HSD17B3: variants seen among roughly 807,000 people sequenced by gnomAD.
HSD17B3 encodes the protein hydroxysteroid 17-beta dehydrogenase 3.
Under a neutral mutation model 41.1 loss-of-function variants are expected in HSD17B3, and 29 were observed. The observed-to-expected ratio is 0.71, with a 90% CI of 0.53 to 0.96. HSD17B3 has a LOEUF of 0.96. HSD17B3 is among the 40% of genes least tolerant of loss of function. The pLI is 0.00. For synonymous variants in HSD17B3, 126 were observed against 145.6 expected, an observed-to-expected ratio of 0.87 and a Z score of 0.97; for missense variants, 323 against 374.6, an observed-to-expected ratio of 0.86 and a Z score of 1.14.
chr9:96,290,164 C>A (rs72621421), intron 2 of HSD17B3, among the ~76,000 whole-genome samples: 2 of 151,932 alleles, frequency 1.3e-5, no homozygotes, highest in South Asian at 2.1e-4. Context: ...ACCCCAGGCC[C>A]ATCCCTCTCC....
chr9:96,244,473 C>T, intron 8 of HSD17B3, 79 bp from the exon 9 acceptor site: 4 of 1,276,346 alleles, frequency 3.1e-6, no homozygotes, highest in Admixed American at 1.7e-5. Context: ...CTTCAAGGGG[C>T]ACTGCAGACA....
intron 2 of HSD17B3, among the ~76,000 whole-genome samples, chr9:96,289,462 A>T (rs1005132421): frequency 7.9e-5 from 12 of 152,226 alleles, no homozygotes; most frequent in Admixed American, 3.3e-4. Context: ...CTCCATGGAA[A>T]ATTCCCTACC....
At chr9:96,249,980 C>A in intron 5 of HSD17B3, 194 bp from the exon 6 acceptor site, 2 of 1,486,276 alleles carry the variant, frequency 1.3e-6, no homozygotes, top group Non-Finnish European at 8.9e-7. Context: ...GACTCCCATT[C>A]TGTCATTCTG....
chr9:96,259,133 T>C (rs1041709889), intron 2 of HSD17B3, among the ~76,000 whole-genome samples: 3 of 152,124 alleles, frequency 2.0e-5, no homozygotes, highest in Admixed American at 2.0e-4. Context: ...TTGCTTTCAT[T>C]TGCAGAATGA....
At chr9:96,262,170 G>A (rs1306602111) in intron 2 of HSD17B3, among the ~76,000 whole-genome samples, 1 of 131,958 alleles carries the variant, frequency 7.6e-6, no homozygotes, top group Non-Finnish European at 1.6e-5. Flanking sequence ...TACACTATGT[G>A]TTTCTACCTC....
intron 2 of HSD17B3, 78 bp downstream of exon 2, chr9:96,298,338 T>C (rs773504728): frequency 8.9e-7 from 1 of 1,124,316 alleles, no homozygotes; most frequent in Non-Finnish European, 1.4e-6. Context: ...TATTCAAAAA[T>C]CTAGTGTTGG....
At position 96,277,880 on chromosome 9, in the gene HSD17B3, T is replaced by G. The variant is rs549487470; in HGVS notation, c.201+20536A>C. 4.8e-5 allele frequency among the ~76,000 whole-genome samples: 7 copies of G among 146,006 alleles called. No homozygotes were observed. In the South Asian group the frequency reaches 1.1e-3, roughly 23 times the overall value. On this transcript the variant is annotated intron_variant, in intron 2 of 10. Coordinates refer to ENST00000375263, the MANE Select transcript of HSD17B3 (RefSeq NM_000197.2). ...ACACACACACACACACAATGGAATATCATTTAGCCTTTAAAAAGAGAAGGA... is the reference window on the plus strand; with the variant it reads ...ACACACACACACACACAATGGAATAGCATTTAGCCTTTAAAAAGAGAAGGA...
rs764566339 is a variant in HSD17B3, at chr9:96,240,916, G to A, written c.673-9C>T. 1 of 1,613,994 alleles carries A rather than the reference G, an allele frequency of 6.2e-7. No homozygotes were observed. Among genetic ancestry groups the A allele is most frequent in the Admixed American group, 1.7e-5 (1 of 60,016 alleles). On this transcript the variant is annotated splice_polypyrimidine_tract_variant and intron_variant, in intron 9 of 10. Coordinates refer to ENST00000375263, the MANE Select transcript of HSD17B3 (RefSeq NM_000197.2). ...GCATATGGGGTCAGCACCTACAACG[G>A]GAAACAAAGACCATGGCACAGAAGC...
chr9:96,246,112 G>T (rs7873481), intron 7 of HSD17B3, among the ~76,000 whole-genome samples: 2,148 of 152,280 alleles, frequency 0.014, 49 homozygotes, highest in African/African-American at 0.049. Flanking sequence ...TCCCAAATGG[G>T]CATTGGAATA....
chr9:96,280,789 T>G (rs1004693561), intron 2 of HSD17B3, among the ~76,000 whole-genome samples: 2 of 152,198 alleles, frequency 1.3e-5, no homozygotes, highest in Admixed American at 6.5e-5. Flanking sequence ...ATAAAACAGC[T>G]TGCAGTAAAA....
At chr9:96,274,940 G>C (rs950408638) in intron 2 of HSD17B3, among the ~76,000 whole-genome samples, 4 of 152,130 alleles carry the variant, frequency 2.6e-5, no homozygotes, top group African/African-American at 7.2e-5. Flanking sequence ...AGAATACTCT[G>C]AGACACCTGA....
intron 9 of HSD17B3, among the ~76,000 whole-genome samples, chr9:96,241,863 AG>A (rs924437824): frequency 6.6e-6 from 1 of 151,730 alleles, no homozygotes; most frequent in African/African-American, 2.4e-5. Context: ...TGAACCTGGA[AG>A]GCAGAGGTTA....
At chr9:96,245,020 G>T (rs1836605551) in intron 8 of HSD17B3, among the ~76,000 whole-genome samples, 1 of 152,028 alleles carries the variant, frequency 6.6e-6, no homozygotes, top group Non-Finnish European at 1.5e-5. Context: ...CTAGGGCATG[G>T]GGACACCAGG....
At chr9:96,235,647 A>ATATTTT (rs1836207733) in intron 10 of HSD17B3, 77 bp from the exon 11 acceptor site, 2 of 1,190,570 alleles carry the variant, frequency 1.7e-6, no homozygotes, top group Non-Finnish European at 2.4e-6. Flanking sequence ...GTCTTTAAAA[A>ATATTTT]TATTTTTTTC....
chr9:96,245,570 A>G, intron 7 of HSD17B3, 144 bp from the exon 8 acceptor site: 2 of 700,722 alleles, frequency 2.9e-6, no homozygotes, highest in South Asian at 3.0e-5. Flanking sequence ...GCTTCTAGGA[A>G]TGGTAAGTGA....
In HSD17B3 at chr9:96,240,860, AT is replaced by A; in HGVS notation, c.719del (p.Asn240IlefsTer4). On this transcript the variant is annotated frameshift_variant, in exon 10 of 11. Coordinates refer to ENST00000375263, the MANE Select transcript of HSD17B3 (RefSeq NM_000197.2). LOFTEE classifies it high-confidence loss of function. ...CAGCAGTCTTGGTTATCACATTTGT[AT>A]TTAGATACTTTGTCATTGCAGTCGA... ...AVSTAMTKYL[N>X]TNVITKTADE... is the part of the protein sequence containing the mutation. The A allele has an allele frequency of 2.5e-6, 4 of 1,614,206 alleles. No homozygotes were observed. Among genetic ancestry groups the A allele is most frequent in the Non-Finnish European group, 3.4e-6 (4 of 1,180,020 alleles).
intron 5 of HSD17B3, chr9:96,250,364 C>A: frequency 9.3e-7 from 1 of 1,073,936 alleles, no homozygotes; most frequent in Non-Finnish European, 1.1e-6. Flanking sequence ...AGAGCCCACA[C>A]AGGAGATGTG....
intron 2 of HSD17B3, among the ~76,000 whole-genome samples, chr9:96,268,538 T>TCTTACAGA (rs142751024): frequency 0.024 from 3,576 of 152,144 alleles, 199 homozygotes; most frequent in Admixed American, 0.13. Flanking sequence ...CCACAGATAG[T>TCTTACAGA]CTTACAGATA....
At chr9:96,294,476 C>T (rs1286718171) in intron 2 of HSD17B3, among the ~76,000 whole-genome samples, 1 of 152,166 alleles carries the variant, frequency 6.6e-6, no homozygotes, top group Non-Finnish European at 1.5e-5. Flanking sequence ...AAATGAATGG[C>T]TAAGGACAGC....
Sources: gnomAD v4.1 joint callset for allele counts (sites outside exome capture counted in the v4.1 genomes callset) on GRCh38, gnomAD v4.1.1 for gene constraint, MANE v1.5 for transcripts, NCBI Gene and HGNC (gene_info 2026-07-23, HGNC 2026-07-21) for gene names.